Variants in PLCB4 observed in about 807,000 individuals in gnomAD.
PLCB4 encodes the protein 1-phosphatidylinositol 4,5-bisphosphate phosphodiesterase beta-4.
A neutral mutation model predicts 178.8 loss-of-function variants in PLCB4; 77 were observed. The ratio of observed to expected loss-of-function variants is 0.43; its 90% CI spans 0.36 to 0.52. The LOEUF is 0.52. Ranked by LOEUF, PLCB4 falls within the 20% of genes least tolerant of loss-of-function variation. The pLI, the probability that PLCB4 is intolerant of heterozygous loss-of-function variation, is 0.00. For missense variants in PLCB4, 1,024 were observed against 1,453.4 expected (o/e 0.70, Z 4.80); for synonymous variants, 496 against 490.8 (o/e 1.01, Z -0.14).
At chr20:9,325,908 C>G (rs1277858086) in intron 4 of PLCB4, among the ~76,000 whole-genome samples, 1 of 152,184 alleles carries the variant, frequency 6.6e-6, no homozygotes. Context: ...ATTTATCCCT[C>G]ACACTTCTGG....
chr20:9,179,679 G>A (rs2093214127), intron 2 of PLCB4, among the ~76,000 whole-genome samples: 1 of 152,212 alleles, frequency 6.6e-6, no homozygotes, highest in Non-Finnish European at 1.5e-5. Flanking sequence ...CCAAAGGTTG[G>A]CAGTCTAGAC....
intron 8 of PLCB4, among the ~76,000 whole-genome samples, chr20:9,364,170 T>G (rs1168269383): frequency 2.6e-5 from 4 of 152,250 alleles, no homozygotes. Flanking sequence ...TCTTTTCCTC[T>G]GCAGTTGCCC....
chr20:9,183,245 A>G (rs764160337), intron 2 of PLCB4, among the ~76,000 whole-genome samples: 8 of 152,118 alleles, frequency 5.3e-5, no homozygotes, highest in Non-Finnish European at 1.0e-4. Flanking sequence ...AAGGTACCCC[A>G]AGCATAATGG....
At chr20:9,269,220 A>G (rs190921678) in intron 3 of PLCB4, among the ~76,000 whole-genome samples, 6 of 152,328 alleles carry the variant, frequency 3.9e-5, no homozygotes, top group Non-Finnish European at 8.8e-5. Flanking sequence ...CAAACATTTA[A>G]TCAGTGAGTA....
intron 3 of PLCB4, among the ~76,000 whole-genome samples, chr20:9,268,877 T>C (rs1007858805): frequency 2.0e-5 from 3 of 152,198 alleles, no homozygotes; most frequent in Admixed American, 1.3e-4. Context: ...AATGAGAAGG[T>C]ATTTTTAGCT....
intron 3 of PLCB4, among the ~76,000 whole-genome samples, chr20:9,264,499 A>G (rs2094329716): frequency 6.6e-6 from 1 of 152,174 alleles, no homozygotes; most frequent in South Asian, 2.1e-4. Context: ...GGCCCTTCTG[A>G]CATGAATTCA....
At chr20:9,363,799 AAGCCTGT>A (rs1451808900) in intron 8 of PLCB4, among the ~76,000 whole-genome samples, 6 of 152,242 alleles carry the variant, frequency 3.9e-5, no homozygotes, top group Non-Finnish European at 8.8e-5. Context: ...TTGCAGGGAT[AAGCCTGT>A]ATCTCTCAAA....
chr20:9,110,213 A>T (rs1209842066), intron 2 of PLCB4, among the ~76,000 whole-genome samples: 1 of 152,090 alleles, frequency 6.6e-6, no homozygotes, highest in Non-Finnish European at 1.5e-5. Context: ...TTTTTTTAAA[A>T]CATATAATAA....
At chr20:9,102,749 G>A (rs1222994653) in intron 2 of PLCB4, among the ~76,000 whole-genome samples, 1 of 151,544 alleles carries the variant, frequency 6.6e-6, no homozygotes, top group Non-Finnish European at 1.5e-5. Context: ...TTGGGGGGGG[G>A]CTATAGCTTG....
chr20:9,418,244 G>C lies in PLCB4; in HGVS notation c.2052-1563G>C, dbSNP rs1473760598. On this transcript the variant is annotated intron_variant, in intron 25 of 39. Transcript: ENST00000378473. ...TCCATTGCCAAATTCAGGTCATAAA[G>C]ATTTGTCCTTATGGCTTCTTTTAGG... Among the ~76,000 whole-genome samples, 3 of 152,102 alleles carry C rather than the reference G, an allele frequency of 2.0e-5. No homozygotes were observed. The East Asian group carries it at 5.8e-4, about 29-fold the overall frequency.
At chr20:9,079,441 G>A (rs1437195061) in intron 1 of PLCB4, among the ~76,000 whole-genome samples, 3 of 152,224 alleles carry the variant, frequency 2.0e-5, no homozygotes, top group East Asian at 1.9e-4. Flanking sequence ...CCGTCTGCCT[G>A]TAATATCCCT....
Position 9,099,559 on chromosome 20 carries a change from A to G in PLCB4, c.-79+3217A>G, listed in dbSNP as rs910064661. Among the ~76,000 whole-genome samples, 2 of 152,162 alleles carry G rather than the reference A, an allele frequency of 1.3e-5. 1 individual carries two copies. The highest frequency in any genetic ancestry group is 4.1e-4 in the South Asian group (2 of 4,830). ...GCTACATGTGGCTAGAGGGCAGCACATAGAACATTATCATCATCATAGAAA... is the reference window on the plus strand; with the variant it reads ...GCTACATGTGGCTAGAGGGCAGCACGTAGAACATTATCATCATCATAGAAA... On this transcript the variant is annotated intron_variant, in intron 2 of 39. Coordinates refer to ENST00000378473, the MANE Select transcript of PLCB4 (RefSeq NM_001377142.1).
intron 3 of PLCB4, among the ~76,000 whole-genome samples, chr20:9,263,963 ATAC>A (rs2094323514): frequency 6.6e-6 from 1 of 152,216 alleles, no homozygotes; most frequent in Non-Finnish European, 1.5e-5. Flanking sequence ...TTCAATCATT[ATAC>A]TACACCTGTT....
chr20:9,147,536 G>A (rs1044874272), intron 2 of PLCB4, among the ~76,000 whole-genome samples: 1 of 152,054 alleles, frequency 6.6e-6, no homozygotes, highest in Non-Finnish European at 1.5e-5. Context: ...GGGTTGGGCA[G>A]GCAGCGCTGG....
chr20:9,321,952 C>CTTTTCTT lies in PLCB4; in HGVS notation c.84+14058_84+14059insCTTTTTT, dbSNP rs1555789689. Among the ~76,000 whole-genome samples the CTTTTCTT allele has an allele frequency of 1.1e-3, 153 of 140,098 alleles. 1 individual carries two copies. The highest frequency in any genetic ancestry group is 0.011 in the Middle Eastern group (3 of 276). The allele number at this position is 140,098 out of a possible 152,430, so 91.9% of individuals were successfully genotyped here. On this transcript the variant is annotated intron_variant, in intron 4 of 39. Transcript: ENST00000378473. ...CCTGGCCTTTCTTTTTTTTCTTTTTCTTTTTTTTTTTTTGATACAGGACCT... is the reference window on the plus strand; with the variant it reads ...CCTGGCCTTTCTTTTTTTTCTTTTTCTTTTCTTTTTTTTTTTTTTTGATACAGGACCT...
At chr20:9,106,427 A>G (rs1397106081) in intron 2 of PLCB4, among the ~76,000 whole-genome samples, 1 of 151,946 alleles carries the variant, frequency 6.6e-6, no homozygotes, top group Non-Finnish European at 1.5e-5. Flanking sequence ...CTGAAGGGCC[A>G]TATTTTCCCA....
intron 3 of PLCB4, among the ~76,000 whole-genome samples, chr20:9,275,200 A>T (rs2015418): frequency 3.3e-5 from 5 of 151,812 alleles, no homozygotes; most frequent in Non-Finnish European, 4.4e-5. Context: ...GGAGGGCACA[A>T]GGCACTTCTT....
At chr20:9,353,587 C>A (rs545937212) in intron 7 of PLCB4, among the ~76,000 whole-genome samples, 1 of 152,304 alleles carries the variant, frequency 6.6e-6, no homozygotes, top group Admixed American at 6.5e-5. Flanking sequence ...TAGATGAATA[C>A]CTTTGAAAGA....
intron 3 of PLCB4, among the ~76,000 whole-genome samples, chr20:9,259,827 T>C (rs576174060): frequency 8.5e-5 from 13 of 152,162 alleles, no homozygotes; most frequent in Non-Finnish European, 1.6e-4. Flanking sequence ...TGTAGAATAC[T>C]TCAATAATTT....
Sources: gnomAD v4.1 joint callset for allele counts (sites outside exome capture counted in the v4.1 genomes callset) on GRCh38, gnomAD v4.1.1 for gene constraint, MANE v1.5 for transcripts, NCBI Gene and HGNC (gene_info 2026-07-23, HGNC 2026-07-21) for gene names.